The following NNT variants were observed in gnomAD, a reference collection of about 807,000 sequenced individuals.
NNT encodes the protein nicotinamide nucleotide transhydrogenase, also known as NAD(P) transhydrogenase, mitochondrial.
NNT carries 50 observed loss-of-function variants against 104.8 expected under a neutral mutation model. The observed-to-expected ratio is 0.48, with a 90% CI of 0.38 to 0.60. The LOEUF is 0.60. Ranked by LOEUF, NNT falls within the 20% of genes least tolerant of loss-of-function variation. The pLI, the probability that NNT is intolerant of heterozygous loss-of-function variation, is 0.00. For synonymous variants in NNT, 461 were observed against 490.4 expected (o/e 0.94, Z 0.79); for missense variants, 1,131 against 1,330.7 (o/e 0.85, Z 2.33).
intron 7 of NNT, among the ~76,000 whole-genome samples, chr5:43,642,620 A>C (rs1010945049): frequency 1.3e-5 from 2 of 152,202 alleles, no homozygotes; most frequent in African/African-American, 4.8e-5. Context: ...TGTGGCTGAA[A>C]TAGAAGAAGG....
chr5:43,629,151 C>A (rs1750538065), intron 7 of NNT, among the ~76,000 whole-genome samples: 1 of 151,686 alleles, frequency 6.6e-6, no homozygotes, highest in Non-Finnish European at 1.5e-5. Context: ...TTATCCCTCA[C>A]CCCCCCTCCC....
intron 6 of NNT, among the ~76,000 whole-genome samples, chr5:43,625,159 G>C (rs1314787855): frequency 6.6e-6 from 1 of 152,132 alleles, no homozygotes; most frequent in Non-Finnish European, 1.5e-5. Context: ...AGACCTCCAA[G>C]CCCATAGAAA....
intron 20 of NNT, 138 bp from the exon 21 acceptor site, chr5:43,702,483 G>A (rs1742906832): frequency 1.8e-6 from 1 of 542,986 alleles, no homozygotes; most frequent in Non-Finnish European, 3.1e-6. Flanking sequence ...AAAGTTCTTT[G>A]TAAAGTGCCT....
chr5:43,609,854 T>G (rs1283803703), intron 2 of NNT, among the ~76,000 whole-genome samples: 3 of 152,200 alleles, frequency 2.0e-5, no homozygotes, highest in Non-Finnish European at 2.9e-5. Context: ...CTACAAACTG[T>G]CCTCTTCTTG....
At chr5:43,673,944 C>G (rs767851365) in intron 17 of NNT, among the ~76,000 whole-genome samples, 1 of 151,380 alleles carries the variant, frequency 6.6e-6, no homozygotes, top group Non-Finnish European at 1.5e-5. Flanking sequence ...CTCTTGAACC[C>G]AGGAGGCGGA....
At chr5:43,610,083 C>T (rs1167204949) in intron 2 of NNT, among the ~76,000 whole-genome samples, 1 of 152,058 alleles carries the variant, frequency 6.6e-6, no homozygotes, top group African/African-American at 2.4e-5. Flanking sequence ...GATCTGAAGT[C>T]TTCCAGTGGC....
Position 43,707,371 on chromosome 5 carries a change from CAATA to C in NNT, c.*2972_*2975del, listed in dbSNP as rs1276289701. 2.0e-5 allele frequency: 3 copies of C among 151,862 alleles called. No homozygotes were observed. Among genetic ancestry groups the C allele is most frequent in the African/African-American group, 7.3e-5 (3 of 41,350 alleles). The allele number at this position is 151,862 out of a possible 1,614,324, so 9.4% of individuals were successfully genotyped here. ...TATATACTTAAAAATATGTTATACA[CAATA>C]AATACATACATTAAAAAATAAGTAA... On this transcript the variant is annotated 3_prime_UTR_variant, in exon 22 of 22. Coordinates refer to ENST00000344920, the MANE Select transcript of NNT (RefSeq NM_182977.3).
chr5:43,694,882 C>T (rs1742479787), intron 19 of NNT, among the ~76,000 whole-genome samples: 1 of 151,880 alleles, frequency 6.6e-6, no homozygotes, highest in South Asian at 2.1e-4. Context: ...AGGAATGGTA[C>T]CAGCTCTTCT....
chr5:43,624,791 A>T (rs564541253), intron 6 of NNT, among the ~76,000 whole-genome samples: 1 of 152,352 alleles, frequency 6.6e-6, no homozygotes, highest in South Asian at 2.1e-4. Context: ...AGTCGAGTAC[A>T]GTTAATATGT....
At chr5:43,671,778 T>C (rs1054190261) in intron 17 of NNT, among the ~76,000 whole-genome samples, 3 of 152,132 alleles carry the variant, frequency 2.0e-5, no homozygotes, top group Non-Finnish European at 2.9e-5. Context: ...TTGCTCTTCT[T>C]GAGGAGTATC....
At chr5:43,614,464 A>C (rs1749668064) in intron 3 of NNT, among the ~76,000 whole-genome samples, 1 of 152,194 alleles carries the variant, frequency 6.6e-6, no homozygotes, top group Non-Finnish European at 1.5e-5. Flanking sequence ...ATCAATTCAG[A>C]GTTGTTTTCT....
intron 5 of NNT, among the ~76,000 whole-genome samples, chr5:43,622,958 T>G (rs1286853628): frequency 1.3e-5 from 2 of 152,048 alleles, no homozygotes; most frequent in Non-Finnish European, 2.9e-5. Context: ...TTTCTTTCTT[T>G]TTTTCTTTCT....
chr5:43,609,411 AT>A, intron 2 of NNT, 65 bp downstream of exon 2: 1 of 1,517,968 alleles, frequency 6.6e-7, no homozygotes, highest in Non-Finnish European at 9.0e-7. Context: ...AGATCTGATG[AT>A]TGATAAAAGG....
intron 17 of NNT, among the ~76,000 whole-genome samples, chr5:43,665,864 T>C (rs1007711086): frequency 6.7e-6 from 1 of 149,288 alleles, no homozygotes; most frequent in Non-Finnish European, 1.5e-5. Context: ...CTGCCCCCCA[T>C]CTCCTGGACG....
chr5:43,650,483 C>T lies in NNT; in HGVS notation c.1613C>T (p.Thr538Ile). ...MSVTNAISGL[T>I]AVGGLALMGG... is the part of the protein sequence containing the mutation. ...GTTAATGCTTTCTTTCTAGGGCTGACTGCAGTTGGTGGGTTGGCACTGATG... is the reference window on the plus strand; with the variant it reads ...GTTAATGCTTTCTTTCTAGGGCTGATTGCAGTTGGTGGGTTGGCACTGATG... Residue 538 changes from threonine to isoleucine, a missense_variant, in exon 12 of 22, where the codon ACT (threonine) becomes ATT (isoleucine). By Grantham distance (89) the Thr-to-Ile change is moderately conservative. Coordinates refer to ENST00000344920, the MANE Select transcript of NNT (RefSeq NM_182977.3). 1.9e-6 allele frequency: 3 copies of T among 1,613,318 alleles called. No individual in the cohort carries two copies. Among genetic ancestry groups the T allele is most frequent in the Non-Finnish European group, 1.7e-6 (2 of 1,179,300 alleles).
intron 14 of NNT, among the ~76,000 whole-genome samples, chr5:43,653,823 C>T (rs900002826): frequency 6.6e-6 from 1 of 151,828 alleles, no homozygotes; most frequent in Non-Finnish European, 1.5e-5. Flanking sequence ...GGCATGGTGG[C>T]GTACAACTGT....
intron 15 of NNT, 106 bp downstream of exon 15, chr5:43,656,179 A>G: frequency 1.0e-6 from 1 of 953,976 alleles, no homozygotes; most frequent in South Asian, 1.6e-5. Flanking sequence ...GCAATGGCTC[A>G]TGCCTGCAAT....
At position 43,676,794 on chromosome 5, in the gene NNT, T is replaced by C. The variant is rs370364222; in HGVS notation, c.2795-931T>C. ...TTATGATAAGGGCTAAACTGAACTATGTAGACAGTTTTTCAATCACAAGAA... is the reference window on the plus strand; with the variant it reads ...TTATGATAAGGGCTAAACTGAACTACGTAGACAGTTTTTCAATCACAAGAA... On this transcript the variant is annotated intron_variant, in intron 18 of 21. Coordinates refer to ENST00000344920, the MANE Select transcript of NNT (RefSeq NM_182977.3). Among the ~76,000 whole-genome samples the C allele has an allele frequency of 1.1e-4, 17 of 152,276 alleles. No homozygotes were observed. The East Asian group carries it at 2.7e-3, about 24-fold the overall frequency.
intron 17 of NNT, among the ~76,000 whole-genome samples, chr5:43,665,146 G>A (rs894350458): frequency 5.3e-5 from 8 of 151,882 alleles, no homozygotes; most frequent in African/African-American, 1.9e-4. Flanking sequence ...GTGATCTTCT[G>A]CAGGACTGTG....
Sources: gnomAD v4.1 joint callset for allele counts (sites outside exome capture counted in the v4.1 genomes callset) on GRCh38, gnomAD v4.1.1 for gene constraint, MANE v1.5 for transcripts, NCBI Gene and HGNC (gene_info 2026-07-23, HGNC 2026-07-21) for gene names.